Variants in CACNA2D3 observed in about 807,000 individuals in gnomAD.
CACNA2D3 encodes voltage-dependent calcium channel subunit alpha-2/delta-3.
Under a neutral mutation model 160.6 loss-of-function variants are expected in CACNA2D3, and 60 were observed. The observed-to-expected ratio is 0.37, with a 90% CI of 0.30 to 0.46. CACNA2D3 has a LOEUF of 0.46. CACNA2D3 is among the 20% of genes least tolerant of loss of function. The probability of loss-of-function intolerance (pLI) is 1.00; values close to 1 mark genes in which losing one functional copy is unlikely to be tolerated. For synonymous variants in CACNA2D3, 558 were observed against 492.9 expected, an observed-to-expected ratio of 1.13 and a Z score of -1.75; for missense variants, 1,205 against 1,365.0, an observed-to-expected ratio of 0.88 and a Z score of 1.85.
chr3:55,030,470 A>G (rs971041074), intron 35 of CACNA2D3, among the ~76,000 whole-genome samples: 3 of 152,164 alleles, frequency 2.0e-5, no homozygotes, highest in Admixed American at 6.5e-5. Context: ...TGAATATCCT[A>G]ATTAGTGCTA....
intron 5 of CACNA2D3, among the ~76,000 whole-genome samples, chr3:54,510,844 C>T (rs75504524): frequency 0.023 from 3,519 of 152,256 alleles, 80 homozygotes; most frequent in East Asian, 0.084. Context: ...ATTTGATACA[C>T]ATTGATTCCT....
intron 11 of CACNA2D3, among the ~76,000 whole-genome samples, chr3:54,648,713 C>T (rs1699700138): frequency 6.6e-6 from 1 of 152,186 alleles, no homozygotes; most frequent in South Asian, 2.1e-4. Context: ...GCTGGATGTA[C>T]AAGAAATATG....
intron 2 of CACNA2D3, among the ~76,000 whole-genome samples, chr3:54,170,934 C>T (rs928124759): frequency 6.6e-6 from 1 of 151,648 alleles, no homozygotes; most frequent in Non-Finnish European, 1.5e-5. Context: ...TTTTTATGAA[C>T]CTTATGCTGA....
chr3:54,938,673 C>T (rs1467931701), intron 27 of CACNA2D3, among the ~76,000 whole-genome samples: 1 of 151,676 alleles, frequency 6.6e-6, no homozygotes, highest in Non-Finnish European at 1.5e-5. Context: ...TCTCCTTGTC[C>T]TGTGACCATG....
intron 2 of CACNA2D3, among the ~76,000 whole-genome samples, chr3:54,262,052 T>C (rs911329947): frequency 6.6e-6 from 1 of 152,108 alleles, no homozygotes; most frequent in Admixed American, 6.6e-5. Context: ...AGCAGGAGTT[T>C]TGATTTTTTG....
chr3:54,893,636 A>G (rs2106873215), intron 25 of CACNA2D3, among the ~76,000 whole-genome samples: 1 of 152,312 alleles, frequency 6.6e-6, no homozygotes, highest in Middle Eastern at 3.4e-3. Flanking sequence ...AGTATTGGGC[A>G]GAGAACTTGA....
chr3:54,272,576 T>C lies in CACNA2D3; in HGVS notation c.205-47866T>C, dbSNP rs565528231. On this transcript the variant is annotated intron_variant, in intron 2 of 37. Coordinates refer to ENST00000474759, the MANE Select transcript of CACNA2D3 (RefSeq NM_018398.3). Reference sequence around the variant, plus strand: ...CTTCTGTTCCCCTCCCAGGGATGAGTGATGAGGACTCAGGGCTCCTTCCCA... The same window carrying C: ...CTTCTGTTCCCCTCCCAGGGATGAGCGATGAGGACTCAGGGCTCCTTCCCA... Among the ~76,000 whole-genome samples the C allele has an allele frequency of 3.3e-5, 5 of 152,042 alleles. No homozygotes were observed. The East Asian group carries it at 9.7e-4, about 30-fold the overall frequency.
intron 4 of CACNA2D3, among the ~76,000 whole-genome samples, chr3:54,491,683 T>C (rs945663854): frequency 3.3e-5 from 5 of 152,186 alleles, no homozygotes; most frequent in Non-Finnish European, 5.9e-5. Context: ...TAAAGTTGTA[T>C]TGGAACACAG....
intron 31 of CACNA2D3, among the ~76,000 whole-genome samples, chr3:54,996,864 C>T (rs1702869811): frequency 6.6e-6 from 1 of 152,164 alleles, no homozygotes; most frequent in Non-Finnish European, 1.5e-5. Context: ...CAGTTCGTGT[C>T]CTTTGCAGGG....
intron 27 of CACNA2D3, among the ~76,000 whole-genome samples, chr3:54,968,052 A>C (rs1702188982): frequency 6.6e-6 from 1 of 152,200 alleles, no homozygotes; most frequent in East Asian, 1.9e-4. Context: ...TGCAGAGTAC[A>C]CATTTTAGAC....
At chr3:54,718,735 G>A (rs977658934) in intron 11 of CACNA2D3, among the ~76,000 whole-genome samples, 3 of 151,886 alleles carry the variant, frequency 2.0e-5, no homozygotes, top group Admixed American at 1.3e-4. Flanking sequence ...CTTTGATTGC[G>A]ATTGAGTTGA....
At chr3:54,463,957 T>C (rs1003173927) in intron 4 of CACNA2D3, among the ~76,000 whole-genome samples, 3 of 151,528 alleles carry the variant, frequency 2.0e-5, no homozygotes, top group Non-Finnish European at 4.4e-5. Context: ...TTGGTGTGGA[T>C]GTCCTTTCTG....
At chr3:54,716,447 A>G (rs1260771468) in intron 11 of CACNA2D3, among the ~76,000 whole-genome samples, 2 of 152,188 alleles carry the variant, frequency 1.3e-5, no homozygotes, top group Non-Finnish European at 2.9e-5. Context: ...GTGAATCCAT[A>G]TGTTGCGTGT....
chr3:54,849,833 T>C (rs1699017306), intron 17 of CACNA2D3, among the ~76,000 whole-genome samples: 2 of 152,190 alleles, frequency 1.3e-5, no homozygotes, highest in Admixed American at 6.5e-5. Context: ...GCCATGGACT[T>C]TGTTTCGGCC....
At chr3:54,667,701 T>C (rs1031780357) in intron 11 of CACNA2D3, among the ~76,000 whole-genome samples, 1 of 152,162 alleles carries the variant, frequency 6.6e-6, no homozygotes, top group African/African-American at 2.4e-5. Context: ...TCCTAGCATT[T>C]TGGGAAACTG....
chr3:55,005,734 A>G (rs1703080339), intron 32 of CACNA2D3, among the ~76,000 whole-genome samples: 1 of 152,224 alleles, frequency 6.6e-6, no homozygotes, highest in Non-Finnish European at 1.5e-5. Context: ...TGCGTAGACA[A>G]TGTAAATTTG....
intron 2 of CACNA2D3, among the ~76,000 whole-genome samples, chr3:54,166,747 G>C (rs1700465300): frequency 6.6e-6 from 1 of 152,132 alleles, no homozygotes; most frequent in Non-Finnish European, 1.5e-5. Context: ...GAACCTTTTG[G>C]AACATTTTAA....
chr3:54,874,868 G>A (rs1046085836), intron 18 of CACNA2D3: 4 of 152,202 alleles, frequency 2.6e-5, no homozygotes, highest in Admixed American at 1.3e-4. Flanking sequence ...CCTCCTCGGG[G>A]GGTGCAGAAA....
chr3:54,318,581 G>A (rs1703919771), intron 2 of CACNA2D3, among the ~76,000 whole-genome samples: 1 of 152,016 alleles, frequency 6.6e-6, no homozygotes, highest in African/African-American at 2.4e-5. Flanking sequence ...TCAGGTCAGA[G>A]GAAGAGATCC....
Sources: allele counts gnomAD v4.1 joint callset (sites outside exome capture counted in the v4.1 genomes callset), GRCh38; gene constraint gnomAD v4.1.1; transcripts MANE v1.5; gene names NCBI Gene and HGNC (gene_info 2026-07-23, HGNC 2026-07-21).